Variants in ADGRL3 observed in about 807,000 individuals in gnomAD.
The protein encoded by ADGRL3 is adhesion G protein-coupled receptor L3, also known as calcium-independent alpha-latrotoxin receptor 3.
In ADGRL3, 62 loss-of-function variants were observed where a neutral mutation model predicts 153.5. That is an observed-to-expected ratio of 0.40 (90% CI 0.33 to 0.50). The LOEUF is 0.50. Among genes scored for constraint, ADGRL3 ranks in the 20% least tolerant of loss-of-function variants. The pLI, the probability that ADGRL3 is intolerant of heterozygous loss-of-function variation, is 0.47. For missense variants in ADGRL3, 1,641 were observed against 1,859.4 expected, an observed-to-expected ratio of 0.88 and a Z score of 2.16; for synonymous variants, 710 against 672.5, an observed-to-expected ratio of 1.06 and a Z score of -0.86.
At chr4:61,677,387 A>G (rs1166264435) in intron 6 of ADGRL3, 2 of 423,776 alleles carry the variant, frequency 4.7e-6, no homozygotes, top group Non-Finnish European at 9.1e-6. Flanking sequence ...TTCATCCAGA[A>G]GGAGTAGACC....
At chr4:61,334,761 A>G (rs1560487065) in intron 1 of ADGRL3, among the ~76,000 whole-genome samples, 1 of 152,146 alleles carries the variant, frequency 6.6e-6, no homozygotes, top group African/African-American at 2.4e-5. Flanking sequence ...AGGCAAGAAT[A>G]TAAAGTACGT....
intron 5 of ADGRL3, among the ~76,000 whole-genome samples, chr4:61,648,718 G>A (rs2094137816): frequency 6.6e-6 from 1 of 152,094 alleles, no homozygotes; most frequent in African/African-American, 2.4e-5. Flanking sequence ...AAAAATGAGA[G>A]AACTGGCATT....
chr4:61,593,318 T>C (rs2098976792), intron 5 of ADGRL3, among the ~76,000 whole-genome samples: 6 of 152,276 alleles, frequency 3.9e-5, no homozygotes, highest in Middle Eastern at 6.8e-3. Flanking sequence ...CTAATCTGTG[T>C]TTTTCTTTGG....
At chr4:61,555,137 G>C (rs2098759390) in intron 4 of ADGRL3, among the ~76,000 whole-genome samples, 2 of 152,066 alleles carry the variant, frequency 1.3e-5, no homozygotes, top group Admixed American at 1.3e-4. Context: ...CCAGCTTTTA[G>C]GCAGAAAAGA....
chr4:62,006,186 C>T (rs2099158506), intron 21 of ADGRL3, among the ~76,000 whole-genome samples: 1 of 151,326 alleles, frequency 6.6e-6, no homozygotes, highest in Non-Finnish European at 1.5e-5. Context: ...ATGCATGTGC[C>T]ATCATGCCCG....
At chr4:61,619,260 A>C (rs1431725380) in intron 5 of ADGRL3, among the ~76,000 whole-genome samples, 2 of 152,142 alleles carry the variant, frequency 1.3e-5, no homozygotes, top group African/African-American at 4.8e-5. Context: ...TGAGTATGTC[A>C]GCCTCCTCAT....
intron 1 of ADGRL3, among the ~76,000 whole-genome samples, chr4:61,322,626 AGTCAAAT>A (rs2095382607): frequency 6.6e-6 from 1 of 152,234 alleles, no homozygotes; most frequent in Admixed American, 6.5e-5. Context: ...CCGGCAGGAC[AGTCAAAT>A]GTTAGAGCTA....
At chr4:61,459,680 A>G (rs938255582) in intron 2 of ADGRL3, among the ~76,000 whole-genome samples, 1 of 152,114 alleles carries the variant, frequency 6.6e-6, no homozygotes, top group Non-Finnish European at 1.5e-5. Context: ...CTAACAGTGT[A>G]TGAGTTTCCT....
rs148140555 is a variant in ADGRL3, at chr4:61,690,331, C to A, written c.583+13396C>A. ...TGGTGGTGCATGCCTGTGGTCCCAA[C>A]TATAGGGAGGCTGAAGTTGGAAGAT... is the stretch of plus-strand genomic sequence containing the variant. On this transcript the variant is annotated intron_variant, in intron 6 of 26. Transcript: ENST00000683033. 3.3e-3 allele frequency among the ~76,000 whole-genome samples: 499 copies of A among 152,056 alleles called. 2 individuals carry two copies. Among genetic ancestry groups the A allele is most frequent in the African/African-American group, 0.012 (482 of 41,504 alleles).
chr4:61,235,156 AC>A (rs1330179537), intron 1 of ADGRL3, among the ~76,000 whole-genome samples: 5 of 152,182 alleles, frequency 3.3e-5, no homozygotes, highest in Non-Finnish European at 4.4e-5. Context: ...AGTAGATGAC[AC>A]TCAGTAAATG....
At chr4:61,664,663 A>C (rs1276034264) in intron 5 of ADGRL3, among the ~76,000 whole-genome samples, 2 of 152,196 alleles carry the variant, frequency 1.3e-5, no homozygotes, top group Non-Finnish European at 2.9e-5. Context: ...TATACACTAA[A>C]ATGCCTCATA....
intron 16 of ADGRL3, 117 bp from the exon 17 acceptor site, chr4:61,947,983 A>G (rs2098932505): frequency 1.4e-6 from 1 of 732,678 alleles, no homozygotes; most frequent in African/African-American, 1.8e-5. Context: ...CCATTGGTAG[A>G]CATCTCTAAA....
chr4:61,656,387 C>T (rs538069869), intron 5 of ADGRL3, among the ~76,000 whole-genome samples: 1 of 151,824 alleles, frequency 6.6e-6, no homozygotes, highest in South Asian at 2.1e-4. Flanking sequence ...ATACAAAAGC[C>T]ACATTCTGTG....
chr4:61,394,578 A>T (rs1014872659), intron 2 of ADGRL3, among the ~76,000 whole-genome samples: 1 of 151,490 alleles, frequency 6.6e-6, no homozygotes, highest in East Asian at 1.9e-4. Context: ...ACTTAAATAT[A>T]AAAAAAAATT....
chr4:61,647,909 G>A (rs1406571476), intron 5 of ADGRL3, among the ~76,000 whole-genome samples: 31 of 152,142 alleles, frequency 2.0e-4, no homozygotes, highest in Non-Finnish European at 2.9e-5. Flanking sequence ...AAGGAAGATT[G>A]TAAACTTTCT....
intron 9 of ADGRL3, among the ~76,000 whole-genome samples, chr4:61,847,588 ATATATATATAATATATAATATAT>A (rs1194422190): frequency 2.5e-4 from 25 of 99,600 alleles, no homozygotes; most frequent in African/African-American, 6.2e-4. Flanking sequence ...GTGTGTGTGT[ATATATATATAATATATAATATAT>A]TATATATATA....
At position 61,645,268 on chromosome 4, in the gene ADGRL3, G is replaced by A. The variant is rs574098640; in HGVS notation, c.474-31558G>A. Among the ~76,000 whole-genome samples the A allele has an allele frequency of 3.0e-4, 46 of 152,182 alleles. No individual in the cohort carries two copies. The East Asian group carries it at 6.0e-3, about 20-fold the overall frequency. On this transcript the variant is annotated intron_variant, in intron 5 of 26. Coordinates refer to ENST00000683033, the MANE Select transcript of ADGRL3 (RefSeq NM_001387552.1). ...TGCCAGTCTGTGTCTTTTAATTGGA[G>A]CATTTAGTCTATTTACATTTAAAGT...
At position 62,041,674 on chromosome 4, in the gene ADGRL3, C is replaced by T. The variant is rs572910151; in HGVS notation, c.3718-2779C>T. ...TTCTCTCCTTCCAAAAAATCTTGTT[C>T]AGCATTCCTTTATTAAACCTTTGTT... On this transcript the variant is annotated intron_variant, in intron 24 of 26. Transcript: ENST00000683033. 2.2e-4 allele frequency among the ~76,000 whole-genome samples: 34 copies of T among 152,166 alleles called. No individual in the cohort carries two copies. In the South Asian group the frequency reaches 7.1e-3, roughly 32 times the overall value.
chr4:61,299,405 CA>C (rs2094511963), intron 1 of ADGRL3, among the ~76,000 whole-genome samples: 1 of 152,018 alleles, frequency 6.6e-6, no homozygotes, highest in Non-Finnish European at 1.5e-5. Context: ...CGTTTTTTGT[CA>C]GCATCCTCAG....
Sources: gnomAD v4.1 joint callset for allele counts (sites outside exome capture counted in the v4.1 genomes callset) on GRCh38, gnomAD v4.1.1 for gene constraint, MANE v1.5 for transcripts, NCBI Gene and HGNC (gene_info 2026-07-23, HGNC 2026-07-21) for gene names.